PLIN4: variants seen among roughly 807,000 people sequenced by gnomAD.
The protein encoded by PLIN4 is perilipin 4.
In PLIN4, 57 loss-of-function variants were observed where a neutral mutation model predicts 52.4. That is an observed-to-expected ratio of 1.09 (90% CI 0.88 to 1.36). The LOEUF (loss-of-function observed/expected upper bound fraction) is 1.36, where lower values mean the gene tolerates loss of function less well. PLIN4 is among the 40% of genes most tolerant of loss of function. The pLI, the probability that PLIN4 is intolerant of heterozygous loss-of-function variation, is 0.00. For missense variants in PLIN4, 1,757 were observed against 1,770.3 expected, an observed-to-expected ratio of 0.99 and a Z score of 0.13; for synonymous variants, 826 against 785.4, an observed-to-expected ratio of 1.05 and a Z score of -0.86.
Position 4,510,691 on chromosome 19 carries a change from G to A in PLIN4, c.3269C>T (p.Ser1090Phe), listed in dbSNP as rs772510025. The A allele has an allele frequency of 2.5e-5, 38 of 1,521,608 alleles. No homozygotes were observed. The highest frequency in any genetic ancestry group is 3.3e-5 in the Non-Finnish European group (37 of 1,138,176). The allele number at this position is 1,521,608 out of a possible 1,614,324, so 94.3% of individuals were successfully genotyped here. ...TALSPQEAPF[S>F]GISTPPDVLS... ...CACATCCGGGGGCGTGGAGATGCCA[G>A]AGAACGGGGCCTCTTGGGGGCTCAG... is the stretch of plus-strand genomic sequence containing the variant. Residue 1090 changes from serine (S) to phenylalanine (F), a missense_variant, in exon 5 of 8, where the codon TCT (serine) becomes TTT (phenylalanine). Physicochemically the swap from Ser to Phe is radical, Grantham distance 155 (BLOSUM62 -2). This residue lies in a region of PLIN4 where 712 missense variants were observed against 637.1 expected (regional missense o/e 1.12). Coordinates refer to ENST00000301286, the MANE Select transcript of PLIN4 (RefSeq NM_001367868.2).
At chr19:4,508,171 G>A (rs559197237) in intron 6 of PLIN4, among the ~76,000 whole-genome samples, 6 of 152,072 alleles carry the variant, frequency 3.9e-5, no homozygotes, top group African/African-American at 7.2e-5. Flanking sequence ...TCTCCCCATC[G>A]GTCAGGACAG....
chr19:4,517,419 T>C, intron 3 of PLIN4, 135 bp downstream of exon 3: 15 of 1,182,436 alleles, frequency 1.3e-5, no homozygotes, highest in Non-Finnish European at 1.7e-5. Context: ...CCACAAGATG[T>C]CCTAGTGTCT....
Position 4,510,954 on chromosome 19 carries a change from G to C in PLIN4, c.3006C>G (p.Thr1002=). 2 of 1,613,222 alleles carry C rather than the reference G, an allele frequency of 1.2e-6. No homozygotes were observed. The highest frequency in any genetic ancestry group is 2.2e-5 in the East Asian group (1 of 44,852). The change falls in exon 5 of 8, where the codon ACC becomes ACG. Residue 1002 remains threonine (T), a synonymous_variant. Transcript: ENST00000301286. ...CCCCTTTGGCCATGCTCATGGCACCGGTAACCCCACTGAAGACAGTGTCCT... is the reference window on the plus strand; with the variant it reads ...CCCCTTTGGCCATGCTCATGGCACCCGTAACCCCACTGAAGACAGTGTCCT... The part of the protein sequence containing the change: ...GTKDTVFSGV[T]GAMSMAKGAV...
chr19:4,507,938 G>A (rs961948435), intron 6 of PLIN4, among the ~76,000 whole-genome samples: 2 of 152,134 alleles, frequency 1.3e-5, no homozygotes, highest in African/African-American at 4.8e-5. Context: ...GGGAGGGGTG[G>A]ACGACTCTGG....
chr19:4,504,801 G>A lies in PLIN4; in HGVS notation c.3790-16C>T, dbSNP rs376223869. On this transcript the variant is annotated splice_polypyrimidine_tract_variant and intron_variant, in intron 7 of 7. Transcript: ENST00000301286. ...CATCCCGCTCCTGTGGGAGGAAGGC[G>A]CAAGGTGAGTGGAGACCCATGGGCG... 86 of 1,601,804 alleles carry A rather than the reference G, an allele frequency of 5.4e-5. No individual in the cohort carries two copies. Among genetic ancestry groups the A allele is most frequent in the South Asian group, 2.2e-5 (2 of 90,268 alleles).
At chr19:4,505,916 G>T (rs1599735798) in intron 6 of PLIN4, among the ~76,000 whole-genome samples, 1 of 146,732 alleles carries the variant, frequency 6.8e-6, no homozygotes, top group South Asian at 2.2e-4. Context: ...GTCTGCTCAG[G>T]TTACAAGCCT....
intron 6 of PLIN4, among the ~76,000 whole-genome samples, chr19:4,505,928 A>AGGGGTCTCTT (rs1491321144): frequency 7.4e-6 from 1 of 134,440 alleles, no homozygotes; most frequent in Non-Finnish European, 1.6e-5. Flanking sequence ...TACAAGCCTC[A>AGGGGTCTCTT]GGGGTCTCTT....
intron 6 of PLIN4, among the ~76,000 whole-genome samples, chr19:4,507,848 C>G (rs937411222): frequency 2.6e-5 from 4 of 152,108 alleles, no homozygotes; most frequent in African/African-American, 9.7e-5. Flanking sequence ...AGGATGATCC[C>G]ACCCCAGAGC....
In PLIN4 at chr19:4,508,766, A is replaced by C. The variant is rs1353888424; in HGVS notation, c.3702+2T>G. ...GGGGCAGCAGCAGGGGGAAGCTCTT[A>C]CCAGCCTGAAGCAGTCCTGGAGCTG... On this transcript the variant is annotated splice_donor_variant, in intron 6 of 7. Coordinates refer to ENST00000301286, the MANE Select transcript of PLIN4 (RefSeq NM_001367868.2). LOFTEE classifies it high-confidence loss of function. The C allele has an allele frequency of 6.3e-7, 1 of 1,575,538 alleles. No homozygotes were observed. Among genetic ancestry groups the C allele is most frequent in the East Asian group, 2.3e-5 (1 of 42,696 alleles).
At chr19:4,517,328 G>T (rs1394115793) in intron 3 of PLIN4, among the ~76,000 whole-genome samples, 1 of 152,122 alleles carries the variant, frequency 6.6e-6, no homozygotes, top group African/African-American at 2.4e-5. Flanking sequence ...TGAGTGGGGG[G>T]GCATTGCAGG....
rs774510391 is a variant in PLIN4 at position 4,508,793 on chromosome 19, G to A, written c.3677C>T (p.Ala1226Val). 29 of 1,593,142 alleles carry A rather than the reference G, an allele frequency of 1.8e-5. No homozygotes were observed. The highest frequency in any genetic ancestry group is 1.4e-4 in the Admixed American group (8 of 56,802). The change falls in exon 6 of 8, where the codon GCC becomes GTC. Residue 1226 changes from alanine (A) to valine (V), a missense_variant. Transcript: ENST00000301286. ...CAGCCTGAAGCAGTCCTGGAGCTGGGCCAGAGTGTCCCTGGCTTGGAACTG... is the reference window on the plus strand; with the variant it reads ...CAGCCTGAAGCAGTCCTGGAGCTGGACCAGAGTGTCCCTGGCTTGGAACTG... ...HGQFQARDTL[A>V]QLQDCFRLIE...
chr19:4,504,623 A>C lies in PLIN4; in HGVS notation c.3952T>G (p.Ser1318Ala). 6.2e-7 allele frequency: 1 copy of C among 1,604,140 alleles called. No individual in the cohort carries two copies. The highest frequency in any genetic ancestry group is 8.5e-7 in the Non-Finnish European group (1 of 1,178,048). Residue 1318 changes from serine to alanine, a missense_variant, in exon 8 of 8, where the codon TCA (serine) becomes GCA (alanine). Physicochemically the swap from Ser to Ala is moderately conservative, Grantham distance 99 (BLOSUM62 1). This residue lies in a region of PLIN4 where 712 missense variants were observed against 637.1 expected (regional missense o/e 1.12). Coordinates refer to ENST00000301286, the MANE Select transcript of PLIN4 (RefSeq NM_001367868.2). ...GGCAGCTCCTCTACAGAGCCAGCTGAGGCCACGATGCCATAGAGCTCACAG... is the reference window on the plus strand; with the variant it reads ...GGCAGCTCCTCTACAGAGCCAGCTGCGGCCACGATGCCATAGAGCTCACAG... ...SLCELYGIVA[S>A]AGSVEELPAE...
At chr19:4,510,182 C>A (rs1472803781) in intron 5 of PLIN4, among the ~76,000 whole-genome samples, 1 of 151,926 alleles carries the variant, frequency 6.6e-6, no homozygotes, top group Admixed American at 6.6e-5. Flanking sequence ...CTGGCTAACA[C>A]GGTGAAACCC....
Position 4,516,666 on chromosome 19 carries a change from G to A in PLIN4, c.209C>T (p.Pro70Leu). The A allele has an allele frequency of 1.3e-6, 2 of 1,598,430 alleles. No homozygotes were observed. The stretch of plus-strand genomic sequence containing the variant: ...CTCCGTCCATGGGGCCGTCTGCTCT[G>A]GGTGGGCAGCCACTGTGGGGACAGG... ...AQPQAQVAAHPEQTAPWTEKE... is the reference protein window; with the variant it reads ...AQPQAQVAAHLEQTAPWTEKE... Residue 70 changes from proline (P) to leucine (L), a missense_variant, in exon 4 of 8, where the codon CCA becomes CTA. Around this residue, in one of 7 missense-constraint regions of PLIN4, gnomAD observed 332 missense variants for 310.8 expected, o/e 1.07. Coordinates refer to ENST00000301286, the MANE Select transcript of PLIN4 (RefSeq NM_001367868.2).
rs534071657 is a variant in PLIN4, at chr19:4,506,360, C to T, written c.3703-1413G>A. 5.3e-5 allele frequency among the ~76,000 whole-genome samples: 8 copies of T among 152,356 alleles called. No homozygotes were observed. The South Asian group carries it at 1.2e-3, about 24-fold the overall frequency. On this transcript the variant is annotated intron_variant, in intron 6 of 7. Transcript: ENST00000301286. Reference sequence around the variant, plus strand: ...CAGATCACACTCCTGCCCATTCTGACGCACTCCCTCTCTGTCATTTAGACC... The same window carrying T: ...CAGATCACACTCCTGCCCATTCTGATGCACTCCCTCTCTGTCATTTAGACC...
At chr19:4,514,444 T>C (rs1199996639) in intron 4 of PLIN4, among the ~76,000 whole-genome samples, 3 of 151,676 alleles carry the variant, frequency 2.0e-5, no homozygotes, top group African/African-American at 7.3e-5. Context: ...TGAGATTCTG[T>C]CTCAAAAATA....
rs7251577 is a variant in PLIN4 at position 4,510,306 on chromosome 19, C to T, written c.3514+140G>A. Reference sequence around the variant, plus strand: ...GCGTGAACCCGGGAGGCGGAGCTTGCAGTGAACCGAGATCACGCCACTGCA... The same window carrying T: ...GCGTGAACCCGGGAGGCGGAGCTTGTAGTGAACCGAGATCACGCCACTGCA... On this transcript the variant is annotated intron_variant, in intron 5 of 7. Coordinates refer to ENST00000301286, the MANE Select transcript of PLIN4 (RefSeq NM_001367868.2). The T allele has an allele frequency of 6.9e-3, 6,735 of 983,188 alleles. 341 individuals are homozygous for T. In the African/African-American group the frequency reaches 0.1, roughly 15 times the overall value. 60.9% of individuals were successfully genotyped at this position (983,188 alleles called of 1,614,324 possible).
chr19:4,508,895 A>T lies in PLIN4; in HGVS notation c.3575T>A (p.Phe1192Tyr). The change falls in exon 6 of 8, where the codon TTC (phenylalanine) becomes TAC (tyrosine). Residue 1192 changes from phenylalanine (F) to tyrosine (Y), a missense_variant. Phe to Tyr is a conservative substitution (Grantham distance 22). This residue lies in a region of PLIN4 where 712 missense variants were observed against 637.1 expected (regional missense o/e 1.12). Transcript: ENST00000301286. ...GGGACCCAGGTCACCTAAACGAACG[A>T]AGTAGCTCCCCTGTTCCGCCGACAG... ...KVLSAEQGSY[F>Y]VRLGDLGPSF... 1 of 1,613,122 alleles carries T rather than the reference A, an allele frequency of 6.2e-7. No homozygotes were observed. The highest frequency in any genetic ancestry group is 1.6e-4 in the Middle Eastern group (1 of 6,062).
rs557577588 is a variant in PLIN4, at chr19:4,509,032, G to T, written c.3515-77C>A. The T allele has an allele frequency of 5.0e-6, 7 of 1,400,190 alleles. No individual in the cohort carries two copies. The African/African-American group carries it at 7.2e-5, about 14-fold the overall frequency. 86.7% of individuals were successfully genotyped at this position (1,400,190 alleles called of 1,614,324 possible). On this transcript the variant is annotated intron_variant, in intron 5 of 7. Transcript: ENST00000301286. ...GCTTTATAAAAGTCAAGTGAGGGCC[G>T]GGCGCGGCGGTTCCCGCCTGTGATC...
Sources: gnomAD v4.1 joint callset for allele counts (sites outside exome capture counted in the v4.1 genomes callset) on GRCh38, gnomAD v4.1.1 for gene constraint, gnomAD v4.1.1 regional missense constraint, MANE v1.5 for transcripts, NCBI Gene and HGNC (gene_info 2026-07-23, HGNC 2026-07-21) for gene names.